Variants in ZDHHC14 observed in about 807,000 individuals in gnomAD.
The protein encoded by ZDHHC14 is palmitoyltransferase ZDHHC14.
A neutral mutation model predicts 47.7 loss-of-function variants in ZDHHC14; 16 were observed. That is an observed-to-expected ratio of 0.34 (90% CI 0.23 to 0.51). The LOEUF (loss-of-function observed/expected upper bound fraction) is 0.51, where lower values mean the gene tolerates loss of function less well. Ranked by LOEUF, ZDHHC14 falls within the 20% of genes least tolerant of loss-of-function variation. The pLI is 0.97. For missense variants in ZDHHC14, 515 were observed against 662.5 expected, an observed-to-expected ratio of 0.78 and a Z score of 2.44; for synonymous variants, 293 against 278.9, an observed-to-expected ratio of 1.05 and a Z score of -0.50.
At chr6:157,558,782 GT>G (rs1782582688) in intron 2 of ZDHHC14, among the ~76,000 whole-genome samples, 1 of 133,774 alleles carries the variant, frequency 7.5e-6, no homozygotes, top group Non-Finnish European at 1.6e-5. Flanking sequence ...AACTTTGGTG[GT>G]AAAAAAAAAA....
intron 3 of ZDHHC14, among the ~76,000 whole-genome samples, chr6:157,610,068 G>C (rs1479988489): frequency 1.3e-5 from 2 of 152,206 alleles, no homozygotes; most frequent in African/African-American, 2.4e-5. Context: ...TGGCATCATA[G>C]AGGCCCACGC....
chr6:157,627,109 C>A (rs898387731), intron 3 of ZDHHC14, among the ~76,000 whole-genome samples: 1 of 152,116 alleles, frequency 6.6e-6, no homozygotes, highest in Non-Finnish European at 1.5e-5. Flanking sequence ...CTTCCTCTGC[C>A]GCCACTATCA....
At position 157,443,938 on chromosome 6, in the gene ZDHHC14, G is replaced by A. The variant is rs138305162; in HGVS notation, c.245+61672G>A. 2.0e-4 allele frequency among the ~76,000 whole-genome samples: 30 copies of A among 152,280 alleles called. No individual in the cohort carries two copies. In the East Asian group the frequency reaches 2.1e-3, roughly 11 times the overall value. ...ACTTCAGAACAGAGCCTAGTGTACC[G>A]TAAGCACTAGTAAATGAATATGGTA... On this transcript the variant is annotated intron_variant, in intron 1 of 8. Coordinates refer to ENST00000359775, the MANE Select transcript of ZDHHC14 (RefSeq NM_024630.3).
intron 1 of ZDHHC14, among the ~76,000 whole-genome samples, chr6:157,413,764 CT>C (rs1777917642): frequency 6.6e-6 from 1 of 152,024 alleles, no homozygotes; most frequent in Non-Finnish European, 1.5e-5. Flanking sequence ...TCTTTTCTTT[CT>C]CTGGAAAATG....
intron 1 of ZDHHC14, among the ~76,000 whole-genome samples, chr6:157,400,798 C>A (rs149123711): frequency 0.012 from 1,767 of 152,308 alleles, 16 homozygotes; most frequent in Non-Finnish European, 0.016. Flanking sequence ...AACCCTGCAG[C>A]GTTCCCCCAG....
At chr6:157,496,468 A>T (rs970791925) in intron 1 of ZDHHC14, among the ~76,000 whole-genome samples, 2 of 152,202 alleles carry the variant, frequency 1.3e-5, no homozygotes, top group African/African-American at 4.8e-5. Flanking sequence ...TATTTGGGAC[A>T]TTGGTTCTTT....
chr6:157,627,184 G>A (rs1019354898), intron 3 of ZDHHC14, among the ~76,000 whole-genome samples: 4 of 152,166 alleles, frequency 2.6e-5, no homozygotes, highest in African/African-American at 7.2e-5. Context: ...CAAGATGACC[G>A]ATTTATGATA....
chr6:157,492,987 G>T (rs1380701488), intron 1 of ZDHHC14, among the ~76,000 whole-genome samples: 2 of 152,126 alleles, frequency 1.3e-5, no homozygotes, highest in East Asian at 3.9e-4. Context: ...GGTCCTGGAG[G>T]TCAGTATGGG....
In ZDHHC14 at chr6:157,382,396, C is replaced by T. The variant is rs933007652; in HGVS notation, c.245+130C>T. 7.9e-6 allele frequency: 9 copies of T among 1,135,240 alleles called. No homozygotes were observed. The Admixed American group carries it at 2.3e-4, about 29-fold the overall frequency. 70.3% of individuals were successfully genotyped at this position (1,135,240 alleles called of 1,614,324 possible). A position where few individuals can be genotyped will look rare whatever the true frequency, so the allele number is the denominator to read the frequency against. The stretch of plus-strand genomic sequence containing the variant: ...AATTGTTATATAATGCCAGTCTGCG[C>T]TCCCTCTTTTTTCTTTTAAAGGTCT... On this transcript the variant is annotated intron_variant, in intron 1 of 8. Coordinates refer to ENST00000359775, the MANE Select transcript of ZDHHC14 (RefSeq NM_024630.3).
intron 1 of ZDHHC14, among the ~76,000 whole-genome samples, chr6:157,488,830 G>A (rs1291621830): frequency 6.6e-6 from 1 of 152,156 alleles, no homozygotes; most frequent in Non-Finnish European, 1.5e-5. Context: ...AGGGCACCCC[G>A]CCCCCCTTCC....
chr6:157,411,555 G>A (rs528452832), intron 1 of ZDHHC14, among the ~76,000 whole-genome samples: 61 of 152,128 alleles, frequency 4.0e-4, no homozygotes, highest in Non-Finnish European at 8.1e-4. Context: ...TCCCTCCTGG[G>A]GGAAGTTGGG....
chr6:157,619,996 A>T (rs952211757), intron 3 of ZDHHC14, among the ~76,000 whole-genome samples: 4 of 152,208 alleles, frequency 2.6e-5, no homozygotes, highest in African/African-American at 9.7e-5. Flanking sequence ...AGCAGATAGG[A>T]CTTATTTTCA....
intron 1 of ZDHHC14, among the ~76,000 whole-genome samples, chr6:157,485,346 G>A (rs1207931966): frequency 6.6e-6 from 1 of 152,140 alleles, no homozygotes; most frequent in East Asian, 1.9e-4. Flanking sequence ...AGTTTTGTTG[G>A]AGGAAAGGTC....
chr6:157,553,629 TG>T (rs1427103614), intron 2 of ZDHHC14, among the ~76,000 whole-genome samples: 1 of 133,644 alleles, frequency 7.5e-6, no homozygotes, highest in Non-Finnish European at 1.6e-5. Context: ...ACTCGTATGC[TG>T]GGGGGTGGGA....
chr6:157,605,329 A>G (rs368832396), intron 3 of ZDHHC14, among the ~76,000 whole-genome samples: 2 of 152,392 alleles, frequency 1.3e-5, no homozygotes. Flanking sequence ...TTTAAAATCC[A>G]GTAATGTGCC....
intron 4 of ZDHHC14, 78 bp from the exon 5 acceptor site, chr6:157,632,755 TA>T: frequency 6.2e-6 from 8 of 1,286,832 alleles, no homozygotes; most frequent in African/African-American, 1.5e-5. Context: ...AGCCATCTAT[TA>T]TTTTTTTGTA....
rs746616430 is a variant in ZDHHC14, at chr6:157,542,578, T to A, written c.246-7T>A. 1.2e-6 allele frequency: 2 copies of A among 1,613,974 alleles called. No individual in the cohort carries two copies. Among genetic ancestry groups the A allele is most frequent in the Admixed American group, 1.7e-5 (1 of 60,000 alleles). ...CCTTCTCTCCGGTCTGTCCAACCTG[T>A]CGGCAGCTGTCCGTACCTGGCGGTG... On this transcript the variant is annotated splice_region_variant and splice_polypyrimidine_tract_variant and intron_variant, in intron 1 of 8. Coordinates refer to ENST00000359775, the MANE Select transcript of ZDHHC14 (RefSeq NM_024630.3).
At chr6:157,456,685 A>G (rs1562432694) in intron 1 of ZDHHC14, among the ~76,000 whole-genome samples, 1 of 152,156 alleles carries the variant, frequency 6.6e-6, no homozygotes, top group Non-Finnish European at 1.5e-5. Context: ...AGGTTTTTAC[A>G]TTTTTTTAAA....
At chr6:157,405,706 G>C (rs1367803074) in intron 1 of ZDHHC14, among the ~76,000 whole-genome samples, 1 of 152,158 alleles carries the variant, frequency 6.6e-6, no homozygotes, top group Non-Finnish European at 1.5e-5. Flanking sequence ...TGTATTTTGA[G>C]CAATGATTTA....
Sources: gnomAD v4.1 joint callset for allele counts (sites outside exome capture counted in the v4.1 genomes callset) on GRCh38, gnomAD v4.1.1 for gene constraint, MANE v1.5 for transcripts, NCBI Gene and HGNC (gene_info 2026-07-23, HGNC 2026-07-21) for gene names.